DMD: variants seen among roughly 807,000 people sequenced by gnomAD.
DMD encodes mutant dystrophin.
In DMD, 63 loss-of-function variants were observed where a neutral mutation model predicts 330.1. That is an observed-to-expected ratio of 0.19 (90% confidence interval 0.16 to 0.24). DMD has a LOEUF of 0.24. Ranked by LOEUF, DMD falls within the 10% of genes least tolerant of loss-of-function variation. The pLI is 1.00. For missense variants in DMD, 3,344 were observed against 2,684.1 expected (o/e 1.25, Z -5.43); for synonymous variants, 1,223 against 959.8 (o/e 1.27, Z -5.07).
chrX:31,628,882 C>T (rs1341958910), intron 54 of DMD, among the ~76,000 whole-genome samples: 1 of 98,993 alleles, frequency 1.0e-5, no homozygotes. Flanking sequence ...TCTTTCATGA[C>T]AAAAACTCTA....
At chrX:32,656,469 G>C (rs10522009) in intron 9 of DMD, among the ~76,000 whole-genome samples, 8,357 of 111,859 alleles carry the variant, frequency 0.075, 739 homozygotes, top group African/African-American at 0.26. Flanking sequence ...TTGTGTTTTT[G>C]TTAGTGCCAC....
chrX:31,144,648 G>C (rs147451544), intron 76 of DMD, among the ~76,000 whole-genome samples: 23 of 111,421 alleles, frequency 2.1e-4, no homozygotes, highest in South Asian at 7.7e-4. Flanking sequence ...TCAGGCAATA[G>C]AGCTGTAAGT....
At chrX:32,889,003 G>T (rs2084934453) in intron 2 of DMD, among the ~76,000 whole-genome samples, 1 of 110,269 alleles carries the variant, frequency 9.1e-6, no homozygotes. Flanking sequence ...TGGACTGGAT[G>T]GAGAATGTAA....
At position 31,126,685 on chromosome X, in the gene DMD, G is replaced by C. The variant is rs760289644; in HGVS notation, c.11015-12C>G. 1.3e-5 allele frequency: 15 copies of C among 1,155,493 alleles called. No individual in the cohort carries two copies. The highest frequency in any genetic ancestry group is 5.4e-5 in the African/African-American group (3 of 55,266). On this transcript the variant is annotated splice_polypyrimidine_tract_variant and intron_variant, in intron 77 of 78. Transcript: ENST00000357033. ...AGGGGTATTTCTTCCTTTAATAATA[G>C]AGAGAGGAAGAGGCAGAGATATCAG...
intron 43 of DMD, among the ~76,000 whole-genome samples, chrX:32,280,144 G>GTATATATATATATATACAGTATATATA (rs2097412542): frequency 4.3e-5 from 2 of 46,158 alleles, no homozygotes. Flanking sequence ...TATATATACA[G>GTATATATATATATATACAGTATATATA]TATATATATA....
chrX:32,063,850 T>C (rs771156320), intron 44 of DMD, among the ~76,000 whole-genome samples: 15 of 111,200 alleles, frequency 1.3e-4, no homozygotes, highest in East Asian at 5.7e-4. Flanking sequence ...AACAGAAAGT[T>C]TGCAAAATTT....
chrX:32,813,436 T>G (rs1202913697), intron 6 of DMD, among the ~76,000 whole-genome samples: 1 of 111,434 alleles, frequency 9.0e-6, no homozygotes, highest in Non-Finnish European at 1.9e-5. Context: ...AGCCAAACAG[T>G]TTTAGGTAAA....
At chrX:31,792,444 T>G (rs933741110) in intron 50 of DMD, among the ~76,000 whole-genome samples, 1 of 112,614 alleles carries the variant, frequency 8.9e-6, no homozygotes, top group Admixed American at 9.4e-5. Flanking sequence ...TCATTTAACA[T>G]ATTTTACAAA....
chrX:32,408,256 C>A (rs1312514885), intron 30 of DMD, among the ~76,000 whole-genome samples: 6 of 111,752 alleles, frequency 5.4e-5, no homozygotes, highest in Middle Eastern at 4.6e-3. Context: ...TAGGTAAGCT[C>A]ATGTCACTAA....
chrX:32,901,048 T>G (rs1304606412), intron 2 of DMD, among the ~76,000 whole-genome samples: 1 of 111,591 alleles, frequency 9.0e-6, no homozygotes, highest in Non-Finnish European at 1.9e-5. Flanking sequence ...AAAAAAAATC[T>G]AATCTGTAAT....
chrX:32,071,514 G>T (rs1481416797), intron 44 of DMD, among the ~76,000 whole-genome samples: 7 of 85,777 alleles, frequency 8.2e-5, no homozygotes, highest in Admixed American at 1.3e-4. Flanking sequence ...GTTGTGGGGT[G>T]GGGGGAGGGG....
At chrX:33,331,997 A>G (rs1359584863) in intron 1 of DMD, among the ~76,000 whole-genome samples, 2 of 111,770 alleles carry the variant, frequency 1.8e-5, no homozygotes, top group East Asian at 5.6e-4. Flanking sequence ...TCTATAGGTC[A>G]AAATGTATGG....
chrX:32,896,495 G>T (rs1265743047), intron 2 of DMD, among the ~76,000 whole-genome samples: 2 of 111,459 alleles, frequency 1.8e-5, no homozygotes, highest in African/African-American at 6.5e-5. Flanking sequence ...TTGCCTTGAG[G>T]GCTAACCTAT....
In DMD at chrX:32,823,390, GT is replaced by G; in HGVS notation, c.265-4del. On this transcript the variant is annotated splice_polypyrimidine_tract_variant and splice_region_variant and intron_variant, in intron 4 of 78. Coordinates refer to ENST00000357033, the MANE Select transcript of DMD (RefSeq NM_004006.3). Reference sequence around the variant, plus strand: ...CTTCCAATATTCACTAAATCAACCTGTTAAAGAAAGGGGTAAAACATTTGAA... The same window carrying G: ...CTTCCAATATTCACTAAATCAACCTGTAAAGAAAGGGGTAAAACATTTGAA... 1 of 1,161,823 alleles carries G rather than the reference GT, an allele frequency of 8.6e-7. No individual in the cohort carries two copies. The highest frequency in any genetic ancestry group is 1.2e-6 in the Non-Finnish European group (1 of 850,735).
chrX:31,477,822 C>T (rs956830874), intron 59 of DMD, among the ~76,000 whole-genome samples: 4 of 111,207 alleles, frequency 3.6e-5, no homozygotes, highest in Admixed American at 1.9e-4. Flanking sequence ...CACACACACA[C>T]ACACACACAT....
chrX:33,071,806 GAC>G (rs2094762032), intron 1 of DMD, among the ~76,000 whole-genome samples: 1 of 111,477 alleles, frequency 9.0e-6, no homozygotes, highest in Non-Finnish European at 1.9e-5. Context: ...AGTTGCCATA[GAC>G]ACACTCTTTT....
chrX:31,511,439 A>ATGTG (rs1467506675), intron 55 of DMD, among the ~76,000 whole-genome samples: 110 of 98,691 alleles, frequency 1.1e-3, no homozygotes, highest in Non-Finnish European at 2.1e-3. Flanking sequence ...CCACTAACTC[A>ATGTG]TCATCTAGCA....
intron 2 of DMD, among the ~76,000 whole-genome samples, chrX:32,947,400 C>T (rs2090894608): frequency 8.9e-6 from 1 of 111,783 alleles, no homozygotes; most frequent in Non-Finnish European, 1.9e-5. Context: ...ATAAAACTGG[C>T]TTCTTGACAT....
intron 50 of DMD, among the ~76,000 whole-genome samples, chrX:31,796,453 T>G (rs1003972121): frequency 8.9e-6 from 1 of 112,125 alleles, no homozygotes; most frequent in Non-Finnish European, 1.9e-5. Context: ...AGGAATAGAT[T>G]TTCAGAAAAT....
Sources: allele counts gnomAD v4.1 joint callset (sites outside exome capture counted in the v4.1 genomes callset), GRCh38; gene constraint gnomAD v4.1.1; transcripts MANE v1.5; gene names NCBI Gene and HGNC (gene_info 2026-07-23, HGNC 2026-07-21).